The following PTPRB variants were observed in gnomAD, a reference collection of about 807,000 sequenced individuals.
PTPRB encodes the protein protein tyrosine phosphatase receptor type B.
In PTPRB, 97 loss-of-function variants were observed where a neutral mutation model predicts 238.1. The ratio of observed to expected loss-of-function variants is 0.41; its 90% CI spans 0.35 to 0.48. The LOEUF (loss-of-function observed/expected upper bound fraction) is 0.48. Ranked by LOEUF, PTPRB falls within the 20% of genes least tolerant of loss-of-function variation. The pLI, the probability that PTPRB is intolerant of heterozygous loss-of-function variation, is 0.30. For synonymous variants in PTPRB, 970 were observed against 995.4 expected (o/e 0.97, Z 0.48); for missense variants, 2,292 against 2,681.9 (o/e 0.85, Z 3.21).
At chr12:70,617,067 G>A (rs1016152491) in intron 3 of PTPRB, among the ~76,000 whole-genome samples, 2 of 152,192 alleles carry the variant, frequency 1.3e-5, no homozygotes, top group Admixed American at 6.5e-5. Context: ...GACCTGCACA[G>A]TTCAAAACCA....
chr12:70,622,953 G>T (rs910120477), intron 2 of PTPRB, among the ~76,000 whole-genome samples: 1 of 151,402 alleles, frequency 6.6e-6, no homozygotes, highest in African/African-American at 2.4e-5. Context: ...GAATTTAGGG[G>T]GGGGGTCACT....
chr12:70,534,025 A>AAGGAT (rs1009961448), intron 31 of PTPRB, among the ~76,000 whole-genome samples: 1 of 152,240 alleles, frequency 6.6e-6, no homozygotes, highest in Non-Finnish European at 1.5e-5. Flanking sequence ...ATAAATCTTG[A>AAGGAT]AGGATAGGTA....
chr12:70,611,381 C>G (rs571184143), intron 3 of PTPRB, among the ~76,000 whole-genome samples: 2 of 152,182 alleles, frequency 1.3e-5, no homozygotes, highest in Non-Finnish European at 2.9e-5. Flanking sequence ...CTCTGCCTCC[C>G]GGGTTCAAGC....
At chr12:70,602,798 G>C (rs955948076) in intron 4 of PTPRB, among the ~76,000 whole-genome samples, 1 of 151,978 alleles carries the variant, frequency 6.6e-6, no homozygotes, top group African/African-American at 2.4e-5. Flanking sequence ...CCATATAAAA[G>C]GAAGAAAACA....
intron 6 of PTPRB, among the ~76,000 whole-genome samples, chr12:70,592,968 A>G (rs918183295): frequency 2.0e-5 from 3 of 152,250 alleles, no homozygotes; most frequent in Non-Finnish European, 4.4e-5. Context: ...TGGAATGCAC[A>G]AAAAGGTCTG....
chr12:70,579,096 T>C (rs372528173), intron 10 of PTPRB, among the ~76,000 whole-genome samples: 4 of 152,182 alleles, frequency 2.6e-5, no homozygotes, highest in Non-Finnish European at 4.4e-5. Flanking sequence ...TAAGCATGAA[T>C]TAAATCAGTC....
In PTPRB at chr12:70,592,200, TG is replaced by T. The variant is rs747959053; in HGVS notation, c.1780+81del. Reference sequence around the variant, plus strand: ...TCTCAGATTGGGAAAGGAGTTTTCCTGCTGACTTATTTTGTCCTATTTTAAG... The same window carrying T: ...TCTCAGATTGGGAAAGGAGTTTTCCTCTGACTTATTTTGTCCTATTTTAAG... On this transcript the variant is annotated intron_variant, in intron 7 of 33. Transcript: ENST00000334414. 5 of 1,578,754 alleles carry T rather than the reference TG, an allele frequency of 3.2e-6. No individual in the cohort carries two copies. In the South Asian group the frequency reaches 5.6e-5, roughly 18 times the overall value.
At chr12:70,595,467 A>G (rs528485906) in intron 5 of PTPRB, among the ~76,000 whole-genome samples, 1 of 152,314 alleles carries the variant, frequency 6.6e-6, no homozygotes, top group South Asian at 2.1e-4. Flanking sequence ...AACTTAAAGT[A>G]TAATAAAAAA....
At chr12:70,579,473 C>G in intron 10 of PTPRB, among the ~76,000 whole-genome samples, 1 of 151,992 alleles carries the variant, frequency 6.6e-6, no homozygotes, top group Non-Finnish European at 1.5e-5. Context: ...CCGAGGCAGG[C>G]AGATCACGAG....
chr12:70,597,084 AT>A (rs34242674), intron 4 of PTPRB, among the ~76,000 whole-genome samples: 4,058 of 151,066 alleles, frequency 0.027, 72 homozygotes, highest in African/African-American at 0.039. Context: ...TGTCCGGTGA[AT>A]TTTTTTTTGT....
chr12:70,538,666 C>T (rs982131126), intron 27 of PTPRB: 2 of 526,926 alleles, frequency 3.8e-6, no homozygotes, highest in Non-Finnish European at 6.8e-6. Flanking sequence ...ACTGCTTAGC[C>T]TCCAAAGAGA....
rs59453928 is a variant in PTPRB, at chr12:70,542,589, A to AATATATAT, written c.5495-1640_5495-1633dup. 2.1e-5 allele frequency: 3 copies of AATATATAT among 142,658 alleles called. No individual in the cohort carries two copies. In the Admixed American group the frequency reaches 2.1e-4, roughly 10 times the overall value. The allele number at this position is 142,658 out of a possible 1,614,324, so 8.8% of individuals were successfully genotyped here. A position where few individuals can be genotyped will look rare whatever the true frequency, so the allele number is the denominator to read the frequency against. On this transcript the variant is annotated intron_variant, in intron 22 of 33. Coordinates refer to ENST00000334414, the MANE Select transcript of PTPRB (RefSeq NM_001109754.4). ...CAAGACTCCGTCTTGAAAAAAAAAA[A>AATATATAT]ATATATATATATATATGGCCTGGCG...
At chr12:70,559,078 C>G (rs948962018) in intron 18 of PTPRB, 15 of 584,130 alleles carry the variant, frequency 2.6e-5, no homozygotes, top group Non-Finnish European at 4.0e-5. Flanking sequence ...CATTTACTTC[C>G]CTCATCACAC....
At chr12:70,555,464 C>A (rs1486670489) in intron 19 of PTPRB, among the ~76,000 whole-genome samples, 155 bp from the exon 20 acceptor site, 1 of 152,120 alleles carries the variant, frequency 6.6e-6, no homozygotes, top group Non-Finnish European at 1.5e-5. Context: ...AAGAAACTCT[C>A]CCCTTCTCCT....
In PTPRB at chr12:70,609,145, T is replaced by C. The variant is rs1884211941; in HGVS notation, c.903A>G (p.Gln301=). Residue 301 remains glutamine, a synonymous_variant, in exon 4 of 34, where the codon CAA becomes CAG. Coordinates refer to ENST00000334414, the MANE Select transcript of PTPRB (RefSeq NM_001109754.4). The part of the protein sequence containing the change: ...IDNTTYGCNL[Q]DLQAGTIYNF... ...TATAGATGGTTCCTGCTTGTAAATC[T>C]TGAAGGTTACATCCGTATGTGGTGT... The C allele has an allele frequency of 1.4e-5, 23 of 1,613,862 alleles. No homozygotes were observed. The highest frequency in any genetic ancestry group is 1.7e-5 in the Admixed American group (1 of 60,002).
At chr12:70,535,965 CAGA>C in intron 29 of PTPRB, 57 bp downstream of exon 29, 1 of 1,598,110 alleles carries the variant, frequency 6.3e-7, no homozygotes, top group Non-Finnish European at 8.5e-7. Flanking sequence ...GATGATGGGG[CAGA>C]ATTCTATCCA....
chr12:70,632,759 A>T (rs960834393), intron 2 of PTPRB, among the ~76,000 whole-genome samples: 1 of 152,208 alleles, frequency 6.6e-6, no homozygotes, highest in Non-Finnish European at 1.5e-5. Context: ...TGCACATCAG[A>T]ATCACCTAGG....
chr12:70,568,306 T>G (rs1879568785), intron 14 of PTPRB, among the ~76,000 whole-genome samples: 1 of 152,118 alleles, frequency 6.6e-6, no homozygotes, highest in South Asian at 2.1e-4. Context: ...AATGCCCACT[T>G]TCTTTTTTTG....
chr12:70,593,062 A>T (rs892513010), intron 6 of PTPRB, among the ~76,000 whole-genome samples: 3 of 150,184 alleles, frequency 2.0e-5, no homozygotes, highest in African/African-American at 7.4e-5. Flanking sequence ...CAATTGATTG[A>T]TTACAAAATT....
Sources: allele counts gnomAD v4.1 joint callset (sites outside exome capture counted in the v4.1 genomes callset), GRCh38; gene constraint gnomAD v4.1.1; transcripts MANE v1.5; gene names NCBI Gene and HGNC (gene_info 2026-07-23, HGNC 2026-07-21).